The following KLF12 variants were observed in gnomAD, a reference collection of about 807,000 sequenced individuals.
KLF12 encodes Krueppel-like factor 12.
Under a neutral mutation model 37.8 loss-of-function variants are expected in KLF12, and 9 were observed. The observed-to-expected ratio is 0.24, with a 90% CI of 0.14 to 0.42. The LOEUF is 0.42. Ranked by LOEUF, KLF12 falls within the 10% of genes least tolerant of loss-of-function variation. The pLI is 1.00. For synonymous variants in KLF12, 208 were observed against 202.1 expected, an observed-to-expected ratio of 1.03 and a Z score of -0.25; for missense variants, 411 against 516.0, an observed-to-expected ratio of 0.80 and a Z score of 1.97.
chr13:73,759,496 C>G (rs908644607), intron 6 of KLF12, among the ~76,000 whole-genome samples: 2 of 152,160 alleles, frequency 1.3e-5, no homozygotes, highest in African/African-American at 4.8e-5. Context: ...TAAGCTTCTC[C>G]TATTTCTCCT....
intron 3 of KLF12, among the ~76,000 whole-genome samples, chr13:73,861,778 T>G (rs890243611): frequency 6.6e-6 from 1 of 152,202 alleles, no homozygotes; most frequent in Non-Finnish European, 1.5e-5. Flanking sequence ...CATATATACA[T>G]GCACCTCCGT....
At chr13:73,939,747 G>GGA (rs1890106598) in intron 3 of KLF12, among the ~76,000 whole-genome samples, 1 of 152,144 alleles carries the variant, frequency 6.6e-6, no homozygotes, top group Admixed American at 6.5e-5. Context: ...TAGGATTAAA[G>GGA]GAGAGAGACT....
the KLF12 span, among the ~76,000 whole-genome samples, chr13:74,158,392 G>A: frequency 6.6e-6 from 1 of 152,176 alleles, no homozygotes; most frequent in African/African-American, 2.4e-5. Context: ...GTGACCTGCC[G>A]GTGTTAGAGA....
the KLF12 span, among the ~76,000 whole-genome samples, chr13:74,170,562 A>T: frequency 6.6e-6 from 1 of 152,228 alleles, no homozygotes. Context: ...AGATTCTAAT[A>T]CAATGAGTAT....
the KLF12 span, among the ~76,000 whole-genome samples, chr13:74,249,336 T>A: frequency 1.3e-5 from 1 of 74,086 alleles, no homozygotes; most frequent in Non-Finnish European, 2.9e-5. Context: ...AGCAGGAGCA[T>A]CACACACACA....
the KLF12 span, among the ~76,000 whole-genome samples, chr13:74,187,971 C>A: frequency 6.6e-6 from 1 of 152,124 alleles, no homozygotes; most frequent in African/African-American, 2.4e-5. Flanking sequence ...TTTCAATGAC[C>A]AGGCCTTACT....
At chr13:73,959,189 A>G (rs955011461) in intron 2 of KLF12, among the ~76,000 whole-genome samples, 1 of 148,302 alleles carries the variant, frequency 6.7e-6, no homozygotes, top group Admixed American at 6.8e-5. Flanking sequence ...TCAAGGAATG[A>G]CATCATCATT....
intron 2 of KLF12, among the ~76,000 whole-genome samples, chr13:73,972,285 C>A (rs1891369642): frequency 6.6e-6 from 1 of 152,088 alleles, no homozygotes; most frequent in Non-Finnish European, 1.5e-5. Context: ...AAACTTTCCC[C>A]ATTATCCTAA....
intron 3 of KLF12, among the ~76,000 whole-genome samples, chr13:73,867,473 T>A (rs896451928): frequency 6.6e-6 from 1 of 151,548 alleles, no homozygotes; most frequent in African/African-American, 2.4e-5. Flanking sequence ...ATAAAAATAG[T>A]CTTAAAAAGC....
intron 1 of KLF12, among the ~76,000 whole-genome samples, chr13:74,039,883 CAT>C (rs1181850098): frequency 6.6e-6 from 1 of 152,232 alleles, no homozygotes; most frequent in Admixed American, 6.5e-5. Context: ...AATTTTCACA[CAT>C]GAGCTATTGC....
At chr13:73,853,978 A>G (rs1023682659) in intron 3 of KLF12, among the ~76,000 whole-genome samples, 3 of 152,240 alleles carry the variant, frequency 2.0e-5, no homozygotes, top group Non-Finnish European at 2.9e-5. Context: ...TAGTATCACT[A>G]TAACAGGTCA....
Position 73,829,393 on chromosome 13 carries a change from TAAG to T in KLF12, c.671-16109_671-16107del, listed in dbSNP as rs1884026127. Among the ~76,000 whole-genome samples the T allele has an allele frequency of 4.6e-5, 7 of 152,228 alleles. No homozygotes were observed. In the South Asian group the frequency reaches 1.5e-3, roughly 32 times the overall value. On this transcript the variant is annotated intron_variant, in intron 4 of 7. Coordinates refer to ENST00000377669, the MANE Select transcript of KLF12 (RefSeq NM_007249.5). ...GTAATCAACATATCTGTTTAAATAA[TAAG>T]GATATTTTTCTCAGATGTTACAAGA...
At chr13:73,884,969 C>T (rs550807566) in intron 3 of KLF12, among the ~76,000 whole-genome samples, 65 of 152,244 alleles carry the variant, frequency 4.3e-4, no homozygotes, top group African/African-American at 1.1e-3. Context: ...TGTATCTCTC[C>T]GGCAGTCTTC....
Position 73,690,223 on chromosome 13 carries a change from A to T in KLF12, c.*5267T>A, listed in dbSNP as rs1188277664. 6.6e-6 allele frequency: 1 copy of T among 152,592 alleles called. No individual in the cohort carries two copies. The highest frequency in any genetic ancestry group is 2.4e-5 in the African/African-American group (1 of 41,462). 9.5% of individuals were successfully genotyped at this position (152,592 alleles called of 1,614,324 possible). On this transcript the variant is annotated 3_prime_UTR_variant, in exon 8 of 8. Coordinates refer to ENST00000377669, the MANE Select transcript of KLF12 (RefSeq NM_007249.5). ...GTATAGGAATATCTCATTGGTCATA[A>T]GGTTTACTGACAGGCACTTTCAGCA...
At chr13:74,130,295 T>C (rs1370011455) in intron 1 of KLF12, among the ~76,000 whole-genome samples, 1 of 152,216 alleles carries the variant, frequency 6.6e-6, no homozygotes, top group East Asian at 1.9e-4. Context: ...ATATAAGCCA[T>C]TTCCAGTCTA....
At chr13:73,878,889 A>G (rs1434821344) in intron 3 of KLF12, among the ~76,000 whole-genome samples, 1 of 152,124 alleles carries the variant, frequency 6.6e-6, no homozygotes, top group Non-Finnish European at 1.5e-5. Context: ...GGGAGGAGCT[A>G]AGATCAGAAA....
the KLF12 span, among the ~76,000 whole-genome samples, chr13:74,261,660 T>G: frequency 2.6e-5 from 4 of 152,362 alleles, no homozygotes; most frequent in East Asian, 7.7e-4. Flanking sequence ...TTTGACATTT[T>G]CTACAGACAT....
intron 1 of KLF12, among the ~76,000 whole-genome samples, chr13:74,074,070 G>A (rs971466912): frequency 3.9e-5 from 6 of 152,136 alleles, no homozygotes; most frequent in African/African-American, 4.8e-5. Context: ...TGGAAAGCTA[G>A]AAATAACCAA....
At chr13:73,965,711 C>T (rs951619798) in intron 2 of KLF12, among the ~76,000 whole-genome samples, 1 of 152,184 alleles carries the variant, frequency 6.6e-6, no homozygotes, top group African/African-American at 2.4e-5. Context: ...TTCATCTTTC[C>T]CTTTCCAGAA....
Sources: allele counts gnomAD v4.1 joint callset (sites outside exome capture counted in the v4.1 genomes callset), GRCh38; gene constraint gnomAD v4.1.1; transcripts MANE v1.5; gene names NCBI Gene and HGNC (gene_info 2026-07-23, HGNC 2026-07-21).